DNAH5: variants seen among roughly 807,000 people sequenced by gnomAD.
DNAH5 encodes the protein dynein axonemal heavy chain 5.
Under a neutral mutation model 518.2 loss-of-function variants are expected in DNAH5, and 372 were observed. The ratio of observed to expected loss-of-function variants is 0.72; its 90% CI spans 0.66 to 0.78. The LOEUF is 0.78. DNAH5 is among the 30% of genes least tolerant of loss of function. The pLI is 0.00. For missense variants in DNAH5, 5,523 were observed against 5,687.0 expected (o/e 0.97, Z 0.93); for synonymous variants, 2,039 against 2,025.9 (o/e 1.01, Z -0.17).
intron 1 of DNAH5, among the ~76,000 whole-genome samples, chr5:14,001,765 A>C (rs189481542): frequency 6.6e-6 from 1 of 151,724 alleles, no homozygotes; most frequent in Non-Finnish European, 1.5e-5. Flanking sequence ...TGAGGCACCA[A>C]TCATACCCTA....
intron 31 of DNAH5, among the ~76,000 whole-genome samples, 172 bp downstream of exon 31, chr5:13,850,480 C>A (rs1766676331): frequency 6.6e-6 from 1 of 152,206 alleles, no homozygotes; most frequent in South Asian, 2.1e-4. Context: ...ACAAATCTAG[C>A]AAGTCTTTGA....
intron 2 of DNAH5, among the ~76,000 whole-genome samples, chr5:13,928,968 A>G (rs1481085777): frequency 1.3e-5 from 2 of 152,326 alleles, no homozygotes; most frequent in Non-Finnish European, 2.9e-5. Flanking sequence ...GAATTGCCAC[A>G]TGATCCGGGA....
intron 52 of DNAH5, among the ~76,000 whole-genome samples, chr5:13,783,053 T>G (rs1236138989): frequency 6.6e-6 from 1 of 152,154 alleles, no homozygotes; most frequent in African/African-American, 2.4e-5. Flanking sequence ...GAGAAAAGAA[T>G]GCTGGGGAAA....
At chr5:13,990,531 C>T (rs778697441) in intron 1 of DNAH5, among the ~76,000 whole-genome samples, 45 of 151,374 alleles carry the variant, frequency 3.0e-4, no homozygotes, top group Non-Finnish European at 6.0e-4. Context: ...CCAGCCTGGG[C>T]GACAGAGCGA....
chr5:13,792,098 G>A lies in DNAH5; in HGVS notation c.8344C>T (p.Leu2782Phe), dbSNP rs1757090081. Residue 2782 changes from leucine to phenylalanine, a missense_variant, in exon 50 of 79, where the codon CTT (leucine) becomes TTT (phenylalanine). Physicochemically the swap from Leu to Phe is conservative, Grantham distance 22 (BLOSUM62 0). This residue lies in a region of DNAH5 where 5,121 missense variants were observed against 5,223.3 expected (regional missense o/e 0.98). Coordinates refer to ENST00000265104, the MANE Select transcript of DNAH5 (RefSeq NM_001369.3). ...RLWQMTKIKMLPTPAKFHYVF... is the reference protein window; with the variant it reads ...RLWQMTKIKMFPTPAKFHYVF... ...TAATGGAATTTTGCAGGGGTAGGAA[G>A]CATTTTAATCTTGGTCATCTGCCAT... 6.2e-7 allele frequency: 1 copy of A among 1,613,994 alleles called. No individual in the cohort carries two copies. The highest frequency in any genetic ancestry group is 8.5e-7 in the Non-Finnish European group (1 of 1,179,974).
At position 13,714,473 on chromosome 5, in the gene DNAH5, C is replaced by T; in HGVS notation, c.13057G>A (p.Glu4353Lys). 6.2e-7 allele frequency: 1 copy of T among 1,614,176 alleles called. No individual in the cohort carries two copies. The highest frequency in any genetic ancestry group is 8.5e-7 in the Non-Finnish European group (1 of 1,180,024). ...DTSGGGDETR[E>K]AVVARLADDM... The stretch of plus-strand genomic sequence containing the variant: ...TCAGCCAGCCGGGCCACCACCGCCT[C>T]CCGGGTCTCATCCCCTCCACCAGAG... The change falls in exon 75 of 79, where the codon GAG (glutamate) becomes AAG (lysine). Residue 4353 changes from glutamate (E) to lysine (K), a missense_variant. Glu to Lys is a moderately conservative substitution (Grantham distance 56). Coordinates refer to ENST00000265104, the MANE Select transcript of DNAH5 (RefSeq NM_001369.3).
intron 1 of DNAH5, among the ~76,000 whole-genome samples, chr5:14,010,490 A>G (rs1029504008): frequency 3.9e-5 from 6 of 152,206 alleles, no homozygotes; most frequent in African/African-American, 1.4e-4. Context: ...ATTAAGACAT[A>G]GAAAAAAGTC....
intron 17 of DNAH5, among the ~76,000 whole-genome samples, chr5:13,889,397 G>A (rs753269844): frequency 2.1e-4 from 32 of 152,212 alleles, no homozygotes; most frequent in Middle Eastern, 3.4e-3. Flanking sequence ...TAAGTTTTGC[G>A]TATAAAATGA....
At chr5:13,872,342 T>C (rs1446595631) in intron 22 of DNAH5, among the ~76,000 whole-genome samples, 1 of 152,206 alleles carries the variant, frequency 6.6e-6, no homozygotes, top group Non-Finnish European at 1.5e-5. Context: ...ATAAAATGTA[T>C]AATTCATATA....
At chr5:13,925,237 G>A (rs146316863) in intron 3 of DNAH5, among the ~76,000 whole-genome samples, 2 of 152,166 alleles carry the variant, frequency 1.3e-5, no homozygotes, top group African/African-American at 4.8e-5. Flanking sequence ...TTTCAACCAA[G>A]GCACCAACGC....
At chr5:13,879,707 T>C (rs1276993984) in intron 21 of DNAH5, among the ~76,000 whole-genome samples, 1 of 145,824 alleles carries the variant, frequency 6.9e-6, no homozygotes, top group Admixed American at 6.8e-5. Flanking sequence ...CAAGCAGAAG[T>C]AGAAAAAAAA....
intron 1 of DNAH5, among the ~76,000 whole-genome samples, chr5:13,978,704 TA>T (rs886373216): frequency 6.6e-6 from 1 of 152,196 alleles, no homozygotes; most frequent in Non-Finnish European, 1.5e-5. Flanking sequence ...GTTTGTAGCC[TA>T]GGGGCAATAG....
Position 13,973,580 on chromosome 5 carries a change from G to C in DNAH5, c.12+38068C>G, listed in dbSNP as rs114634899. 2.6e-4 allele frequency among the ~76,000 whole-genome samples: 40 copies of C among 152,242 alleles called. No homozygotes were observed. The South Asian group carries it at 5.4e-3, about 21-fold the overall frequency. ...CTCATTTGTAAAATGGAGAGGAGGA[G>C]GATGTTAATTATAGGACCCAAATGA... On this transcript the variant is annotated intron_variant, in intron 1 of 78. Transcript: ENST00000681290.
At chr5:13,772,127 T>C (rs907600074) in intron 55 of DNAH5, among the ~76,000 whole-genome samples, 1 of 152,186 alleles carries the variant, frequency 6.6e-6, no homozygotes, top group Non-Finnish European at 1.5e-5. Flanking sequence ...ACTGGAACCA[T>C]AGAACAATTC....
chr5:13,808,529 A>G (rs1354020814), intron 46 of DNAH5, among the ~76,000 whole-genome samples: 1 of 152,252 alleles, frequency 6.6e-6, no homozygotes, highest in Non-Finnish European at 1.5e-5. Context: ...CAACTCATAC[A>G]TAAGAAATAA....
chr5:13,803,782 G>A (rs1194339680), intron 47 of DNAH5, among the ~76,000 whole-genome samples: 2 of 152,270 alleles, frequency 1.3e-5, no homozygotes, highest in East Asian at 3.9e-4. Context: ...CAGGACCCCA[G>A]CTCCAATTCC....
chr5:13,996,585 A>C (rs2152078920), intron 1 of DNAH5, among the ~76,000 whole-genome samples: 1 of 152,380 alleles, frequency 6.6e-6, no homozygotes, highest in Non-Finnish European at 1.5e-5. Context: ...GAAAGAAGAA[A>C]GAAGTGACAG....
chr5:13,944,566 A>G lies in DNAH5; in HGVS notation c.-128T>C, dbSNP rs7700978. On this transcript the variant is annotated 5_prime_UTR_variant, in exon 1 of 79. Transcript: ENST00000265104. The stretch of plus-strand genomic sequence containing the variant: ...ACTTCCATTTTACTTTCACGTTTCT[A>G]ATTTGCATGTATTATTCACTACATT... 6.0e-3 allele frequency: 4,638 copies of G among 775,666 alleles called. 151 individuals are homozygous for G. The African/African-American group carries it at 0.069, about 12-fold the overall frequency. The allele number at this position is 775,666 out of a possible 1,614,324, so 48.0% of individuals were successfully genotyped here. A position where few individuals can be genotyped will look rare whatever the true frequency, so the allele number is the denominator to read the frequency against.
At chr5:13,822,310 G>T (rs537653992) in intron 40 of DNAH5, among the ~76,000 whole-genome samples, 2 of 151,828 alleles carry the variant, frequency 1.3e-5, no homozygotes, top group African/African-American at 2.4e-5. Context: ...GAGTGCAGTG[G>T]TGTAATCACT....
Sources: gnomAD v4.1 joint callset for allele counts (sites outside exome capture counted in the v4.1 genomes callset) on GRCh38, gnomAD v4.1.1 for gene constraint, gnomAD v4.1.1 regional missense constraint, MANE v1.5 for transcripts, NCBI Gene and HGNC (gene_info 2026-07-23, HGNC 2026-07-21) for gene names.